Variants in SETBP1 observed in about 807,000 individuals in gnomAD.
SETBP1 encodes the protein SET binding protein 1.
SETBP1 carries 9 observed loss-of-function variants against 101.0 expected under a neutral mutation model. That is an observed-to-expected ratio of 0.09 (90% CI 0.05 to 0.16). The LOEUF is 0.16. Ranked by LOEUF, SETBP1 falls within the 10% of genes least tolerant of loss-of-function variation. SETBP1 has a pLI of 1.00. For missense variants in SETBP1, 1,858 were observed against 2,033.8 expected (o/e 0.91, Z 1.66); for synonymous variants, 818 against 788.5 (o/e 1.04, Z -0.63).
intron 2 of SETBP1, among the ~76,000 whole-genome samples, chr18:44,730,421 C>T (rs1294588663): frequency 4.6e-5 from 7 of 152,148 alleles, no homozygotes; most frequent in Non-Finnish European, 5.9e-5. Context: ...AGAGAACATG[C>T]GATCTGCTAT....
chr18:44,854,286 C>T (rs932678564), intron 2 of SETBP1, among the ~76,000 whole-genome samples: 1 of 152,048 alleles, frequency 6.6e-6, no homozygotes, highest in Non-Finnish European at 1.5e-5. Flanking sequence ...ACATGTAGAC[C>T]CACTGGAATA....
chr18:44,735,929 A>G (rs1177357778), intron 2 of SETBP1, among the ~76,000 whole-genome samples: 3 of 152,210 alleles, frequency 2.0e-5, no homozygotes, highest in African/African-American at 7.2e-5. Context: ...ATATACTGCT[A>G]TCTTCAGCTG....
intron 2 of SETBP1, among the ~76,000 whole-genome samples, chr18:44,842,660 T>G (rs1007233518): frequency 8.5e-5 from 13 of 152,184 alleles, no homozygotes; most frequent in Non-Finnish European, 1.5e-4. Context: ...CACTACAGCT[T>G]ACCAATGAAT....
chr18:44,898,624 A>C lies in SETBP1; in HGVS notation c.540+29341A>C, dbSNP rs1960928230. 2.0e-5 allele frequency among the ~76,000 whole-genome samples: 3 copies of C among 152,290 alleles called. No homozygotes were observed. The South Asian group carries it at 6.2e-4, about 32-fold the overall frequency. ...TCCAGGATTTTCTCTCCCTTCTCCC[A>C]GTCTTCATGAAAGGGCTTCGAGTTC... On this transcript the variant is annotated intron_variant, in intron 3 of 5. Coordinates refer to ENST00000649279, the MANE Select transcript of SETBP1 (RefSeq NM_015559.3).
intron 2 of SETBP1, among the ~76,000 whole-genome samples, chr18:44,850,887 C>G (rs572211799): frequency 2.0e-5 from 3 of 152,182 alleles, no homozygotes; most frequent in Non-Finnish European, 4.4e-5. Context: ...TTGGTAGACA[C>G]CTGTCTATTC....
At chr18:44,990,617 ACAAAAAAC>A (rs1012218981) in intron 4 of SETBP1, among the ~76,000 whole-genome samples, 7 of 151,448 alleles carry the variant, frequency 4.6e-5, no homozygotes, top group African/African-American at 1.5e-4. Context: ...AAACAAACAA[ACAAAAAAC>A]AAACAAACCA....
At chr18:44,860,793 C>T (rs1666835349) in intron 2 of SETBP1, among the ~76,000 whole-genome samples, 1 of 151,910 alleles carries the variant, frequency 6.6e-6, no homozygotes, top group South Asian at 2.1e-4. Flanking sequence ...GCATTTTCCC[C>T]ATGAGTAACT....
chr18:44,819,934 C>A (rs1001835386), intron 2 of SETBP1, among the ~76,000 whole-genome samples: 1 of 152,028 alleles, frequency 6.6e-6, no homozygotes, highest in African/African-American at 2.4e-5. Flanking sequence ...CAGGTTAGGG[C>A]GAAGAAGGAT....
chr18:45,037,414 T>C (rs1568043291), intron 4 of SETBP1, among the ~76,000 whole-genome samples: 1 of 152,100 alleles, frequency 6.6e-6, no homozygotes. Context: ...GTCGCAATAA[T>C]AGGGATAATA....
intron 1 of SETBP1, among the ~76,000 whole-genome samples, chr18:44,681,609 G>A (rs1046408745): frequency 4.9e-5 from 7 of 143,782 alleles, no homozygotes; most frequent in African/African-American, 1.8e-4. Context: ...GATCCAACTG[G>A]AAATATTTTC....
At chr18:44,855,065 A>T (rs1441949615) in intron 2 of SETBP1, among the ~76,000 whole-genome samples, 1 of 151,922 alleles carries the variant, frequency 6.6e-6, no homozygotes, top group Non-Finnish European at 1.5e-5. Context: ...TTTGGGTTTC[A>T]CTCTAACATT....
chr18:45,049,035 C>T (rs1246453064), intron 5 of SETBP1, among the ~76,000 whole-genome samples: 2 of 148,380 alleles, frequency 1.3e-5, no homozygotes, highest in Non-Finnish European at 1.5e-5. Flanking sequence ...CCCAGAGGAG[C>T]TTTAACACTA....
intron 2 of SETBP1, among the ~76,000 whole-genome samples, chr18:44,762,029 G>A (rs192172182): frequency 8.5e-5 from 13 of 152,278 alleles, no homozygotes. Flanking sequence ...TGCACAGAGG[G>A]TGCTATATTA....
intron 2 of SETBP1, among the ~76,000 whole-genome samples, chr18:44,719,248 G>C (rs563818153): frequency 6.6e-6 from 1 of 152,316 alleles, no homozygotes; most frequent in African/African-American, 2.4e-5. Flanking sequence ...CACCTGAAAG[G>C]CCCAGTGTAT....
intron 3 of SETBP1, among the ~76,000 whole-genome samples, chr18:44,907,930 C>T (rs1028895184): frequency 6.6e-6 from 1 of 152,152 alleles, no homozygotes. Context: ...AAAAAATATA[C>T]TCATGTTTTC....
intron 5 of SETBP1, among the ~76,000 whole-genome samples, chr18:45,042,799 G>A (rs893113752): frequency 2.0e-5 from 3 of 152,076 alleles, no homozygotes; most frequent in African/African-American, 4.8e-5. Flanking sequence ...AGAGAGTGGC[G>A]AGCTGGGAAC....
At chr18:44,958,575 A>G (rs2071543065) in intron 4 of SETBP1, among the ~76,000 whole-genome samples, 1 of 152,172 alleles carries the variant, frequency 6.6e-6, no homozygotes, top group Non-Finnish European at 1.5e-5. Context: ...TAAGAAGGTC[A>G]AGTGACTCAT....
At chr18:44,833,031 T>C (rs944549414) in intron 2 of SETBP1, among the ~76,000 whole-genome samples, 2 of 151,994 alleles carry the variant, frequency 1.3e-5, no homozygotes, top group Non-Finnish European at 2.9e-5. Flanking sequence ...ACAGTGGAGG[T>C]GGATGGAAAG....
At chr18:44,789,407 C>T (rs2071320830) in intron 2 of SETBP1, among the ~76,000 whole-genome samples, 1 of 152,196 alleles carries the variant, frequency 6.6e-6, no homozygotes, top group Admixed American at 6.5e-5. Flanking sequence ...CGTTTCCTTG[C>T]TCTGTGTTTC....
Sources: allele counts gnomAD v4.1 joint callset (sites outside exome capture counted in the v4.1 genomes callset), GRCh38; gene constraint gnomAD v4.1.1; transcripts MANE v1.5; gene names NCBI Gene and HGNC (gene_info 2026-07-23, HGNC 2026-07-21).